OTOGL: variants seen among roughly 807,000 people sequenced by gnomAD.
OTOGL encodes the protein otogelin like.
Under a neutral mutation model 318.5 loss-of-function variants are expected in OTOGL, and 285 were observed. The ratio of observed to expected loss-of-function variants is 0.89; its 90% CI spans 0.81 to 0.99. The LOEUF (loss-of-function observed/expected upper bound fraction) is 0.99, where lower values mean the gene tolerates loss of function less well. Ranked by LOEUF, OTOGL falls within the 50% of genes least tolerant of loss-of-function variation. The pLI, the probability that OTOGL is intolerant of heterozygous loss-of-function variation, is 0.00. For missense variants in OTOGL, 2,899 were observed against 2,845.6 expected (o/e 1.02, Z -0.43); for synonymous variants, 987 against 936.5 (o/e 1.05, Z -0.99).
intron 1 of OTOGL, among the ~76,000 whole-genome samples, chr12:80,107,373 G>A (rs566334431): frequency 2.6e-5 from 4 of 151,916 alleles, no homozygotes; most frequent in African/African-American, 9.7e-5. Flanking sequence ...AACCACAATG[G>A]GATACCATCT....
chr12:80,297,040 C>A, intron 27 of OTOGL, 79 bp downstream of exon 27: 4 of 1,275,108 alleles, frequency 3.1e-6, no homozygotes, highest in Non-Finnish European at 4.2e-6. Context: ...ATTTGGTCTA[C>A]TCCTCTCTGT....
rs201837318 is a variant in OTOGL at position 80,366,578 on chromosome 12, A to G, written c.6272A>G (p.Glu2091Gly). 32 of 1,330,192 alleles carry G rather than the reference A, an allele frequency of 2.4e-5. No homozygotes were observed. The East Asian group carries it at 9.2e-4, about 38-fold the overall frequency. 82.4% of individuals were successfully genotyped at this position (1,330,192 alleles called of 1,614,324 possible). Residue 2091 changes from glutamate (E) to glycine (G), a missense_variant, in exon 53 of 59, where the codon GAA becomes GGA. This residue lies in a region of OTOGL where 2,607 missense variants were observed against 2,524.9 expected (regional missense o/e 1.03). Coordinates refer to ENST00000547103, the MANE Select transcript of OTOGL (RefSeq NM_001378609.3). ...ATAGTAGTATATTTTCAATAGGGAG[A>G]ATTTACTGCAATAGACCATAACTTC... ...NLIMPTCEVG[E>G]FTAIDHNFQS...
intron 24 of OTOGL, 84 bp downstream of exon 24, chr12:80,271,894 C>A: frequency 7.0e-7 from 1 of 1,438,490 alleles, no homozygotes; most frequent in Non-Finnish European, 9.5e-7. Context: ...ATAGAAATAG[C>A]CAGAATTGTT....
chr12:80,236,959 C>T (rs953443632), intron 9 of OTOGL, among the ~76,000 whole-genome samples: 37 of 151,552 alleles, frequency 2.4e-4, no homozygotes, highest in African/African-American at 8.7e-4. Context: ...GGATTACAGG[C>T]GTGCACCACC....
At chr12:80,248,619 TG>T (rs1377635857) in intron 11 of OTOGL, among the ~76,000 whole-genome samples, 1 of 125,810 alleles carries the variant, frequency 7.9e-6, no homozygotes, top group Non-Finnish European at 1.6e-5. Flanking sequence ...ATTTCAACTT[TG>T]GTGAATCTGA....
At position 80,270,098 on chromosome 12, in the gene OTOGL, C is replaced by G. The variant is rs532895077; in HGVS notation, c.2466-4C>G. ...CCATAAATTAACTATTTATTTACTTCTAGCCAGTGTTCAAATGGGACTGTG... is the reference window on the plus strand; with the variant it reads ...CCATAAATTAACTATTTATTTACTTGTAGCCAGTGTTCAAATGGGACTGTG... On this transcript the variant is annotated splice_region_variant and splice_polypyrimidine_tract_variant and intron_variant, in intron 22 of 58. Coordinates refer to ENST00000547103, the MANE Select transcript of OTOGL (RefSeq NM_001378609.3). 1.1e-5 allele frequency: 17 copies of G among 1,591,768 alleles called. No homozygotes were observed. The South Asian group carries it at 1.9e-4, about 18-fold the overall frequency.
intron 26 of OTOGL, 79 bp downstream of exon 26, chr12:80,279,245 A>G (rs1453218629): frequency 7.6e-7 from 1 of 1,315,450 alleles, no homozygotes; most frequent in Non-Finnish European, 1.0e-6. Flanking sequence ...TCCCTGATAT[A>G]TCAAATTCAT....
At chr12:80,223,780 G>GT (rs1395119005) in intron 7 of OTOGL, among the ~76,000 whole-genome samples, 2 of 151,704 alleles carry the variant, frequency 1.3e-5, no homozygotes, top group Non-Finnish European at 2.9e-5. Context: ...GGAATTGTTT[G>GT]TTTTTTTCTT....
At chr12:80,166,479 T>C (rs942644178) in intron 1 of OTOGL, among the ~76,000 whole-genome samples, 6 of 152,180 alleles carry the variant, frequency 3.9e-5, no homozygotes, top group Admixed American at 6.6e-5. Context: ...TCTTTTCACC[T>C]TCTTCACTGG....
rs568840438 is a variant in OTOGL at position 80,263,687 on chromosome 12, A to AT, written c.2015-1305dup. 6.9e-3 allele frequency among the ~76,000 whole-genome samples: 1,049 copies of AT among 151,430 alleles called. 46 individuals carry two copies. The highest frequency in any genetic ancestry group is 0.063 in the Admixed American group (961 of 15,162). ...TTTTTTAGCTTTGCCATGAACTGTG[A>AT]TTTTTTTTTAAAAAAATTCAAATAG... is the stretch of plus-strand genomic sequence containing the variant. On this transcript the variant is annotated intron_variant, in intron 19 of 58. Transcript: ENST00000547103.
chr12:80,124,976 A>T (rs370127293), intron 1 of OTOGL, among the ~76,000 whole-genome samples: 1 of 152,232 alleles, frequency 6.6e-6, no homozygotes, highest in Non-Finnish European at 1.5e-5. Flanking sequence ...CAATCATGTC[A>T]TCTGCAAACA....
chr12:80,345,082 TTA>T (rs1461170504), intron 44 of OTOGL, among the ~76,000 whole-genome samples: 5 of 74,260 alleles, frequency 6.7e-5, no homozygotes, highest in East Asian at 2.9e-4. Context: ...ATATATATTA[TTA>T]TATGTTATAT....
rs768767339 is a variant in OTOGL, at chr12:80,255,139, G to A, written c.1541G>A (p.Gly514Glu). Reference protein sequence around the residue: ...MCQYILVKGTGKDKFTITLQK... With the variant: ...MCQYILVKGTEKDKFTITLQK... ...CAATACATCCTCGTGAAAGGAACTGGAAAAGATAAATTCACGATTACTTTA... is the reference window on the plus strand; with the variant it reads ...CAATACATCCTCGTGAAAGGAACTGAAAAAGATAAATTCACGATTACTTTA... The change falls in exon 16 of 59, where the codon GGA (glycine) becomes GAA (glutamate). Residue 514 changes from glycine (G) to glutamate (E), a missense_variant. Transcript: ENST00000547103. The A allele has an allele frequency of 2.0e-6, 3 of 1,525,548 alleles. No individual in the cohort carries two copies. Among genetic ancestry groups the A allele is most frequent in the Non-Finnish European group, 2.6e-6 (3 of 1,140,034 alleles). The allele number at this position is 1,525,548 out of a possible 1,614,324, so 94.5% of individuals were successfully genotyped here.
intron 1 of OTOGL, among the ~76,000 whole-genome samples, chr12:80,179,819 T>A (rs1408589543): frequency 6.6e-6 from 1 of 152,216 alleles, no homozygotes. Flanking sequence ...TGAGCATCCA[T>A]CATGTATTGG....
Position 80,257,826 on chromosome 12 carries a change from T to A in OTOGL, c.1713T>A (p.Gly571=). The A allele has an allele frequency of 6.4e-7, 1 of 1,570,350 alleles. No homozygotes were observed. Among genetic ancestry groups the A allele is most frequent in the East Asian group, 2.2e-5 (1 of 44,610 alleles). ...TTTACGTATGTTCTTTTCCTGCAGG[T>A]ATTGTTGAAATTCAAACTCTGTCAT... ...TSPNQGFNLN[G]IVEIQTLSSL... is the part of the protein sequence containing the mutation. The change falls in exon 18 of 59, where the codon GGT becomes GGA. Residue 571 remains glycine (G), a splice_region_variant and synonymous_variant. Transcript: ENST00000547103.
chr12:80,132,341 T>C (rs1871291283), intron 1 of OTOGL: 1 of 152,248 alleles, frequency 6.6e-6, no homozygotes, highest in Non-Finnish European at 1.5e-5. Flanking sequence ...CTACTCTTAC[T>C]GAAGTCTCAC....
rs776859972 is a variant in OTOGL at position 80,356,798 on chromosome 12, T to G, written c.5912-9T>G. The G allele has an allele frequency of 6.4e-7, 1 of 1,550,794 alleles. No individual in the cohort carries two copies. The highest frequency in any genetic ancestry group is 1.2e-5 in the South Asian group (1 of 82,294). The stretch of plus-strand genomic sequence containing the variant: ...ATACAAATTTTCTAATGTAATTTTG[T>G]TTCTGCAGAATGTGACCCATTGAAA... On this transcript the variant is annotated splice_polypyrimidine_tract_variant and intron_variant, in intron 48 of 58. Transcript: ENST00000547103.
intron 1 of OTOGL, among the ~76,000 whole-genome samples, chr12:80,172,143 C>T (rs912006824): frequency 2.0e-5 from 3 of 152,186 alleles, no homozygotes; most frequent in South Asian, 2.1e-4. Context: ...GTGTTCTAGC[C>T]ATACTTGTAT....
chr12:80,111,529 G>A (rs892559302), intron 1 of OTOGL, among the ~76,000 whole-genome samples: 4 of 152,076 alleles, frequency 2.6e-5, no homozygotes, highest in Non-Finnish European at 5.9e-5. Context: ...GCTTGTTTTT[G>A]TCAGGTTTGT....
Sources: allele counts gnomAD v4.1 joint callset (sites outside exome capture counted in the v4.1 genomes callset), GRCh38; gene constraint gnomAD v4.1.1; regional missense constraint gnomAD v4.1.1; transcripts MANE v1.5; gene names NCBI Gene and HGNC (gene_info 2026-07-23, HGNC 2026-07-21).